Variants in FTO observed in about 807,000 individuals in gnomAD.
The protein encoded by FTO is alpha-ketoglutarate-dependent dioxygenase FTO.
Under a neutral mutation model 63.9 loss-of-function variants are expected in FTO, and 47 were observed. The observed-to-expected ratio is 0.74, with a 90% CI of 0.58 to 0.94. The LOEUF is 0.94. Among genes scored for constraint, FTO ranks in the 40% least tolerant of loss-of-function variants. The pLI is 0.00. For synonymous variants in FTO, 207 were observed against 224.4 expected (o/e 0.92, Z 0.69); for missense variants, 562 against 618.1 (o/e 0.91, Z 0.96).
intron 7 of FTO, among the ~76,000 whole-genome samples, chr16:53,913,095 C>G (rs184136264): frequency 4.6e-4 from 70 of 152,242 alleles, no homozygotes; most frequent in Non-Finnish European, 8.1e-4. Context: ...TTTGCTTTGC[C>G]TCATTTCAAC....
At chr16:54,066,094 C>T (rs2003583) in intron 8 of FTO, among the ~76,000 whole-genome samples, 41,630 of 152,078 alleles carry the variant, frequency 0.27, 5,942 homozygotes, top group East Asian at 0.36. Flanking sequence ...TTATTGGTCC[C>T]GCCTTGCCTT....
At chr16:53,917,133 A>G (rs1049170437) in intron 7 of FTO, among the ~76,000 whole-genome samples, 1 of 152,162 alleles carries the variant, frequency 6.6e-6, no homozygotes, top group South Asian at 2.1e-4. Flanking sequence ...CTGCTACCCC[A>G]TGAGAATCTG....
rs557861087 is a variant in FTO, at chr16:53,722,752, C to T, written c.45+18523C>T. ...CTGAGGCGGGAGAATCGCTTGAACC[C>T]GGGAGGCGGAGGTTGTAGTGAGCTG... is the stretch of plus-strand genomic sequence containing the variant. On this transcript the variant is annotated intron_variant, in intron 1 of 8. Transcript: ENST00000471389. Among the ~76,000 whole-genome samples, 8 of 151,742 alleles carry T rather than the reference C, an allele frequency of 5.3e-5. No individual in the cohort carries two copies. The South Asian group carries it at 1.0e-3, about 20-fold the overall frequency.
chr16:54,049,543 A>G (rs2144322154), intron 8 of FTO, among the ~76,000 whole-genome samples: 1 of 152,310 alleles, frequency 6.6e-6, no homozygotes, highest in Admixed American at 6.5e-5. Flanking sequence ...AGGGGGGGAA[A>G]TGGCCATGTT....
intron 8 of FTO, among the ~76,000 whole-genome samples, chr16:54,086,933 A>G (rs2086266149): frequency 6.6e-6 from 1 of 152,182 alleles, no homozygotes; most frequent in South Asian, 2.1e-4. Flanking sequence ...CGGCCCCCAT[A>G]AGGAAAAAGC....
intron 8 of FTO, chr16:53,937,812 T>C (rs1239948143): frequency 2.6e-5 from 4 of 152,224 alleles, no homozygotes; most frequent in Non-Finnish European, 5.9e-5. Flanking sequence ...AATTATCATT[T>C]GAAAAGTGCT....
chr16:53,779,579 G>A (rs1393910736), intron 1 of FTO, among the ~76,000 whole-genome samples: 1 of 152,170 alleles, frequency 6.6e-6, no homozygotes, highest in Non-Finnish European at 1.5e-5. Flanking sequence ...CAGAGATGCC[G>A]AAGACTCATT....
intron 7 of FTO, among the ~76,000 whole-genome samples, chr16:53,923,778 G>A (rs1288410288): frequency 1.3e-5 from 2 of 151,400 alleles, no homozygotes; most frequent in Admixed American, 1.3e-4. Context: ...TCTAGCTTTC[G>A]TACATTGCCC....
chr16:53,897,772 A>C (rs1011415661), intron 7 of FTO, among the ~76,000 whole-genome samples: 1 of 152,192 alleles, frequency 6.6e-6, no homozygotes, highest in Non-Finnish European at 1.5e-5. Flanking sequence ...CCATCCAGTA[A>C]TAAATATCTC....
intron 1 of FTO, among the ~76,000 whole-genome samples, chr16:53,710,051 A>G (rs1030601642): frequency 6.6e-6 from 1 of 151,808 alleles, no homozygotes; most frequent in Non-Finnish European, 1.5e-5. Context: ...ATTACCTTTC[A>G]TTGTCAGGTC....
chr16:54,080,501 T>C (rs2086116029), intron 8 of FTO, among the ~76,000 whole-genome samples: 1 of 152,318 alleles, frequency 6.6e-6, no homozygotes, highest in Admixed American at 6.5e-5. Flanking sequence ...CCACGTTCAG[T>C]TGTACAGTCA....
chr16:54,041,152 G>A (rs1176216469), intron 8 of FTO, among the ~76,000 whole-genome samples: 1 of 152,172 alleles, frequency 6.6e-6, no homozygotes, highest in Non-Finnish European at 1.5e-5. Context: ...TGCTATCTGA[G>A]ACTGAGTAAT....
intron 7 of FTO, among the ~76,000 whole-genome samples, chr16:53,905,697 G>A (rs114885404): frequency 0.014 from 2,056 of 152,062 alleles, 38 homozygotes; most frequent in African/African-American, 0.047. Context: ...TATGTTTTAT[G>A]TGTTCACCTA....
In FTO at chr16:53,749,013, G is replaced by A. The variant is rs142770164; in HGVS notation, c.45+44784G>A. Among the ~76,000 whole-genome samples the A allele has an allele frequency of 8.3e-3, 1,260 of 152,158 alleles. 21 individuals are homozygous for A. Among genetic ancestry groups the A allele is most frequent in the African/African-American group, 0.029 (1,185 of 41,522 alleles). ...ACTCCTGACCTCAGGTGATCCACCC[G>A]CCTCGGCTTCCCAAAGTGCTGGGAT... On this transcript the variant is annotated intron_variant, in intron 1 of 8. Transcript: ENST00000471389.
chr16:53,774,346 A>G (rs1477196), intron 1 of FTO, among the ~76,000 whole-genome samples: 107,523 of 152,048 alleles, frequency 0.71, 39,271 homozygotes, highest in African/African-American at 0.9. Context: ...CCAGGTAAAT[A>G]TAAGATGTTG....
At chr16:54,096,274 G>A (rs1191312170) in intron 8 of FTO, among the ~76,000 whole-genome samples, 2 of 152,238 alleles carry the variant, frequency 1.3e-5, no homozygotes, top group Non-Finnish European at 2.9e-5. Flanking sequence ...TGTAGAAAGA[G>A]TGTCATTCAT....
intron 6 of FTO, among the ~76,000 whole-genome samples, chr16:53,884,796 C>T (rs1267599168): frequency 6.6e-6 from 1 of 152,142 alleles, no homozygotes; most frequent in African/African-American, 2.4e-5. Flanking sequence ...GGCTTATTTC[C>T]ATTAAGTGCA....
At chr16:54,063,223 C>G (rs1290957848) in intron 8 of FTO, among the ~76,000 whole-genome samples, 2 of 152,142 alleles carry the variant, frequency 1.3e-5, no homozygotes, top group African/African-American at 4.8e-5. Context: ...TCAAATGAAT[C>G]CAAGTTATGA....
intron 8 of FTO, among the ~76,000 whole-genome samples, chr16:54,014,361 A>G (rs2084388857): frequency 6.6e-6 from 1 of 151,924 alleles, no homozygotes; most frequent in Non-Finnish European, 1.5e-5. Context: ...TTTTTGTGAG[A>G]GCTGACTTTT....
Sources: gnomAD v4.1 joint callset for allele counts (sites outside exome capture counted in the v4.1 genomes callset) on GRCh38, gnomAD v4.1.1 for gene constraint, MANE v1.5 for transcripts, NCBI Gene and HGNC (gene_info 2026-07-23, HGNC 2026-07-21) for gene names.